The following MYO5B variants were observed in gnomAD, a reference collection of about 807,000 sequenced individuals.
MYO5B encodes the protein unconventional myosin-Vb.
MYO5B carries 143 observed loss-of-function variants against 229.3 expected under a neutral mutation model. The ratio of observed to expected loss-of-function variants is 0.62; its 90% confidence interval spans 0.54 to 0.72. The LOEUF (loss-of-function observed/expected upper bound fraction) is 0.72, where lower values mean the gene tolerates loss of function less well. MYO5B is among the 30% of genes least tolerant of loss of function. MYO5B has a pLI of 0.00. For synonymous variants in MYO5B, 918 were observed against 885.2 expected (o/e 1.04, Z -0.66); for missense variants, 2,321 against 2,331.0 (o/e 1.00, Z 0.09).
intron 1 of MYO5B, among the ~76,000 whole-genome samples, chr18:50,128,682 G>A (rs1005124841): frequency 4.6e-5 from 7 of 152,184 alleles, no homozygotes; most frequent in African/African-American, 1.7e-4. Context: ...AAGAGCCCAG[G>A]GAGAAGGCCA....
chr18:50,081,839 A>G (rs1388082626), intron 1 of MYO5B, among the ~76,000 whole-genome samples: 4 of 152,078 alleles, frequency 2.6e-5, no homozygotes, highest in African/African-American at 9.7e-5. Context: ...CAAAAAGACA[A>G]CTGTGGATGG....
At chr18:50,024,596 G>C (rs890533050) in intron 4 of MYO5B, among the ~76,000 whole-genome samples, 2 of 152,182 alleles carry the variant, frequency 1.3e-5, no homozygotes, top group African/African-American at 4.8e-5. Context: ...TCTTTTGGCT[G>C]TAAGTACACT....
At chr18:49,965,497 T>C in intron 10 of MYO5B, among the ~76,000 whole-genome samples, 1 of 143,528 alleles carries the variant, frequency 7.0e-6, no homozygotes, top group East Asian at 2.1e-4. Flanking sequence ...CTTCTCATTC[T>C]ATACTGCCCA....
chr18:50,061,639 C>T (rs1239540638), intron 1 of MYO5B, among the ~76,000 whole-genome samples: 1 of 152,172 alleles, frequency 6.6e-6, no homozygotes, highest in African/African-American at 2.4e-5. Context: ...CTTTAAAAAA[C>T]AAAACCACTA....
chr18:49,836,008 T>C (rs1166312359), intron 38 of MYO5B, among the ~76,000 whole-genome samples: 1 of 152,204 alleles, frequency 6.6e-6, no homozygotes, highest in Non-Finnish European at 1.5e-5. Flanking sequence ...CTGGAAATGT[T>C]TACAGAAGGA....
chr18:49,869,879 C>T (rs765940814), intron 27 of MYO5B, among the ~76,000 whole-genome samples: 2 of 152,098 alleles, frequency 1.3e-5, no homozygotes, highest in Non-Finnish European at 2.9e-5. Flanking sequence ...CCATCAGTCC[C>T]ACATCTACTG....
chr18:49,974,671 C>T (rs527371088), intron 9 of MYO5B, 56 bp from the exon 10 acceptor site: 3 of 1,580,066 alleles, frequency 1.9e-6, no homozygotes, highest in Admixed American at 1.7e-5. Context: ...AGCCGCCCCC[C>T]ACCAATGTCT....
chr18:50,116,206 C>T (rs1392977063), intron 1 of MYO5B, among the ~76,000 whole-genome samples: 1 of 152,220 alleles, frequency 6.6e-6, no homozygotes, highest in African/African-American at 2.4e-5. Context: ...ACTTATCTTT[C>T]ACCATCATCC....
chr18:49,901,843 C>T (rs973654611), intron 21 of MYO5B, among the ~76,000 whole-genome samples: 1 of 152,200 alleles, frequency 6.6e-6, no homozygotes, highest in Non-Finnish European at 1.5e-5. Flanking sequence ...GCCATGTGCC[C>T]TTCCAGTGTC....
chr18:49,868,267 TAATA>T (rs1446003402), intron 27 of MYO5B, among the ~76,000 whole-genome samples: 2 of 152,104 alleles, frequency 1.3e-5, no homozygotes, highest in East Asian at 3.8e-4. Flanking sequence ...AGAATTACTT[TAATA>T]AATTTACAAA....
chr18:50,192,784 A>G (rs1412729676), intron 1 of MYO5B, among the ~76,000 whole-genome samples: 4 of 152,244 alleles, frequency 2.6e-5, no homozygotes, highest in Non-Finnish European at 2.9e-5. Context: ...CTGCATTGAC[A>G]TGGTTAAATT....
rs41368144 is a variant in MYO5B, at chr18:50,124,210, A to G, written c.28-68832T>C. Among the ~76,000 whole-genome samples the G allele has an allele frequency of 8.9e-3, 1,360 of 152,362 alleles. 13 individuals carry two copies. The highest frequency in any genetic ancestry group is 0.031 in the African/African-American group (1,276 of 41,582). On this transcript the variant is annotated intron_variant, in intron 1 of 39. Transcript: ENST00000285039. ...GGCCTCACTTAAATTGGGTCTTGACAGTGCAGAGAGGTTCTGGTAACTGAA... is the reference window on the plus strand; with the variant it reads ...GGCCTCACTTAAATTGGGTCTTGACGGTGCAGAGAGGTTCTGGTAACTGAA...
At position 49,863,290 on chromosome 18, in the gene MYO5B, C is replaced by T; in HGVS notation, c.3881G>A (p.Ser1294Asn). ...ATCCTCCTGGTCAACATGCTTTTCA[C>T]TGTTAGGCCAACTTGATCTGGCATT... ...NINARSSWPNSEKHVDQEDAI... is the reference protein window; with the variant it reads ...NINARSSWPNNEKHVDQEDAI... The change falls in exon 29 of 40, where the codon AGT (serine) becomes AAT (asparagine). Residue 1294 changes from serine (S) to asparagine (N), a missense_variant. This residue lies in a region of MYO5B where 2,113 missense variants were observed against 2,044.7 expected (regional missense o/e 1.03). Transcript: ENST00000285039. The T allele has an allele frequency of 1.2e-6, 2 of 1,613,826 alleles. No individual in the cohort carries two copies. Among genetic ancestry groups the T allele is most frequent in the Non-Finnish European group, 1.7e-6 (2 of 1,180,032 alleles).
chr18:50,188,230 A>G lies in MYO5B; in HGVS notation c.27+6537T>C, dbSNP rs530287842. Among the ~76,000 whole-genome samples, 126 of 152,236 alleles carry G rather than the reference A, an allele frequency of 8.3e-4. 1 individual carries two copies. The highest frequency in any genetic ancestry group is 2.9e-3 in the African/African-American group (119 of 41,534). ...CTCCCCTGTCTCCTCCTGAGAGAACATCCTTCTTTACAGCCTCCTCATGCA... is the reference window on the plus strand; with the variant it reads ...CTCCCCTGTCTCCTCCTGAGAGAACGTCCTTCTTTACAGCCTCCTCATGCA... On this transcript the variant is annotated intron_variant, in intron 1 of 39. Transcript: ENST00000285039.
intron 1 of MYO5B, among the ~76,000 whole-genome samples, chr18:50,191,570 AGTG>A (rs2033227085): frequency 3.9e-5 from 6 of 152,236 alleles, no homozygotes; most frequent in Admixed American, 2.0e-4. Context: ...AATCAAATTG[AGTG>A]TTTTCTCCTA....
At chr18:49,879,269 G>T in intron 23 of MYO5B, 179 bp from the exon 24 acceptor site, 1 of 713,668 alleles carries the variant, frequency 1.4e-6, no homozygotes, top group Non-Finnish European at 2.4e-6. Flanking sequence ...CATTACTCTG[G>T]CTTAGTCTTC....
chr18:50,055,468 A>G, intron 1 of MYO5B, 90 bp from the exon 2 acceptor site: 1 of 1,031,946 alleles, frequency 9.7e-7, no homozygotes, highest in Non-Finnish European at 1.5e-6. Flanking sequence ...GCCCATCAGG[A>G]GAACTTCTAA....
At chr18:50,129,191 G>A (rs1199060625) in intron 1 of MYO5B, among the ~76,000 whole-genome samples, 1 of 152,196 alleles carries the variant, frequency 6.6e-6, no homozygotes, top group Non-Finnish European at 1.5e-5. Flanking sequence ...CTGTGGAGAG[G>A]GCAGGGACTT....
intron 22 of MYO5B, among the ~76,000 whole-genome samples, chr18:49,890,240 T>C (rs2024694012): frequency 6.6e-6 from 1 of 152,222 alleles, no homozygotes; most frequent in South Asian, 2.1e-4. Context: ...GCCCCCACTT[T>C]GTGGTGTCAG....
Sources: allele counts gnomAD v4.1 joint callset (sites outside exome capture counted in the v4.1 genomes callset), GRCh38; gene constraint gnomAD v4.1.1; regional missense constraint gnomAD v4.1.1; transcripts MANE v1.5; gene names NCBI Gene and HGNC (gene_info 2026-07-23, HGNC 2026-07-21).